The following FARP2 variants were observed in gnomAD, a reference collection of about 807,000 sequenced individuals.
FARP2 encodes FERM, ARH/RhoGEF and pleckstrin domain protein 2, also known as FERM, ARHGEF and pleckstrin domain-containing protein 2.
In FARP2, 111 loss-of-function variants were observed where a neutral mutation model predicts 130.5. The ratio of observed to expected loss-of-function variants is 0.85; its 90% confidence interval spans 0.73 to 1.00. FARP2 has a LOEUF of 1.00. Ranked by LOEUF, FARP2 falls within the 50% of genes least tolerant of loss-of-function variation. The probability of loss-of-function intolerance (pLI) is 0.00; values close to 1 mark genes in which losing one functional copy is unlikely to be tolerated. For synonymous variants in FARP2, 504 were observed against 516.9 expected, an observed-to-expected ratio of 0.98 and a Z score of 0.34; for missense variants, 1,385 against 1,346.3, an observed-to-expected ratio of 1.03 and a Z score of -0.45.
chr2:241,453,345 G>A (rs546050567), intron 13 of FARP2, among the ~76,000 whole-genome samples: 34 of 149,604 alleles, frequency 2.3e-4, no homozygotes, highest in Middle Eastern at 7.5e-3. Context: ...ATTTGTGGCT[G>A]GGCGCGGTGG....
intron 2 of FARP2, among the ~76,000 whole-genome samples, chr2:241,400,552 A>G (rs2062141733): frequency 6.6e-6 from 1 of 152,200 alleles, no homozygotes; most frequent in African/African-American, 2.4e-5. Flanking sequence ...GAGACCACAA[A>G]TGAGCTGACT....
chr2:241,443,254 A>ATT, intron 13 of FARP2: 3 of 149,598 alleles, frequency 2.0e-5, no homozygotes, highest in Admixed American at 6.7e-5. Flanking sequence ...GCACCATGTC[A>ATT]TTTTTTTTTT....
intron 12 of FARP2, 128 bp downstream of exon 12, chr2:241,436,666 G>A: frequency 1.2e-6 from 1 of 811,516 alleles, no homozygotes; most frequent in Non-Finnish European, 2.0e-6. Flanking sequence ...TTGTAATCCT[G>A]GGACTCTGTT....
At chr2:241,470,618 CT>C (rs1483138216) in intron 18 of FARP2, among the ~76,000 whole-genome samples, 1 of 151,166 alleles carries the variant, frequency 6.6e-6, no homozygotes, top group Non-Finnish European at 1.5e-5. Context: ...GAGGGGGACC[CT>C]TTTTTGAGGG....
chr2:241,418,542 G>A lies in FARP2; in HGVS notation c.771+433G>A, dbSNP rs145811835. Among the ~76,000 whole-genome samples, 601 of 152,356 alleles carry A rather than the reference G, an allele frequency of 3.9e-3. 1 individual carries two copies. The highest frequency in any genetic ancestry group is 6.7e-3 in the Non-Finnish European group (457 of 68,038). On this transcript the variant is annotated intron_variant, in intron 8 of 26. Transcript: ENST00000264042. ...TGGGCTGGACTGTGAGCGCTTTAGA[G>A]TGGGTTACAGTAATCATTTCAGTAA...
intron 13 of FARP2, among the ~76,000 whole-genome samples, chr2:241,449,382 A>T (rs904350482): frequency 6.6e-6 from 1 of 152,200 alleles, no homozygotes; most frequent in Non-Finnish European, 1.5e-5. Context: ...ACCGCCTCTG[A>T]AGTCAACCTT....
rs2061755960 is a variant in FARP2 at position 241,385,191 on chromosome 2, G to C, written c.183+11901G>C. Reference sequence around the variant, plus strand: ...TTGGAGAAAACTGAGAACACTAGAGGAGGGCAAACTTGTTTTGGAAATGGT... The same window carrying C: ...TTGGAGAAAACTGAGAACACTAGAGCAGGGCAAACTTGTTTTGGAAATGGT... On this transcript the variant is annotated intron_variant, in intron 2 of 26. Coordinates refer to ENST00000264042, the MANE Select transcript of FARP2 (RefSeq NM_014808.4). Among the ~76,000 whole-genome samples, 5 of 152,234 alleles carry C rather than the reference G, an allele frequency of 3.3e-5. No homozygotes were observed. In the South Asian group the frequency reaches 1.0e-3, roughly 32 times the overall value.
chr2:241,456,964 G>T, intron 14 of FARP2, 42 bp downstream of exon 14: 3 of 1,516,028 alleles, frequency 2.0e-6, no homozygotes, highest in Non-Finnish European at 8.8e-7. Context: ...GGGTTGCAGG[G>T]TGGGCCTGTT....
intron 7 of FARP2, among the ~76,000 whole-genome samples, chr2:241,415,220 A>G (rs192667802): frequency 4.9e-4 from 74 of 152,238 alleles, no homozygotes; most frequent in South Asian, 1.0e-3. Flanking sequence ...CTCCTGCTCT[A>G]TTCTCCCAGG....
intron 8 of FARP2, among the ~76,000 whole-genome samples, chr2:241,418,539 A>G (rs981953355): frequency 9.2e-5 from 14 of 152,194 alleles, no homozygotes; most frequent in African/African-American, 2.7e-4. Context: ...TGAGCGCTTT[A>G]GAGTGGGTTA....
intron 8 of FARP2, among the ~76,000 whole-genome samples, chr2:241,422,030 G>A (rs992736194): frequency 3.3e-5 from 5 of 151,988 alleles, no homozygotes; most frequent in African/African-American, 1.2e-4. Flanking sequence ...TGTAGTCCCA[G>A]CTATTTAGGA....
Position 241,483,455 on chromosome 2 carries a change from T to C in FARP2, c.2263-10T>C. 2.5e-6 allele frequency: 4 copies of C among 1,613,170 alleles called. No homozygotes were observed. Among genetic ancestry groups the C allele is most frequent in the Non-Finnish European group, 3.4e-6 (4 of 1,179,060 alleles). The stretch of plus-strand genomic sequence containing the variant: ...GCCCGCTGAAAGGGGACTCTGTCTC[T>C]GTCTTTCAGGAGTTCATCCGTGAGG... On this transcript the variant is annotated splice_polypyrimidine_tract_variant and intron_variant, in intron 19 of 26. Coordinates refer to ENST00000264042, the MANE Select transcript of FARP2 (RefSeq NM_014808.4).
chr2:241,424,985 A>G (rs1160386789), intron 8 of FARP2, among the ~76,000 whole-genome samples: 1 of 152,192 alleles, frequency 6.6e-6, no homozygotes. Context: ...ATGGGGGCAG[A>G]TCACTTGATG....
In FARP2 at chr2:241,460,875, C is replaced by T. The variant is rs116800070; in HGVS notation, c.1588-1648C>T. ...GCAGTGGACGTGTGCAGGACTCTGG[C>T]GGGGGAGGCACAGCACCTGGGCACT... On this transcript the variant is annotated intron_variant, in intron 14 of 26. Transcript: ENST00000264042. Among the ~76,000 whole-genome samples, 8 of 151,966 alleles carry T rather than the reference C, an allele frequency of 5.3e-5. No individual in the cohort carries two copies. In the South Asian group the frequency reaches 6.2e-4, roughly 12 times the overall value.
intron 2 of FARP2, among the ~76,000 whole-genome samples, chr2:241,380,048 C>T (rs374102582): frequency 2.3e-4 from 35 of 152,140 alleles, no homozygotes; most frequent in African/African-American, 7.7e-4. Flanking sequence ...GTTGGTAAGT[C>T]ACAGTCTGTG....
intron 2 of FARP2, among the ~76,000 whole-genome samples, chr2:241,376,810 C>T (rs2061545796): frequency 6.6e-6 from 1 of 152,196 alleles, no homozygotes; most frequent in African/African-American, 2.4e-5. Flanking sequence ...AGTGAGACCC[C>T]TGGCTGGGCA....
intron 8 of FARP2, among the ~76,000 whole-genome samples, chr2:241,426,960 C>T (rs62190361): frequency 0.19 from 28,695 of 152,042 alleles, 2,965 homozygotes; most frequent in East Asian, 0.4. Context: ...ACAGGCTGGG[C>T]GCGGTGGCTC....
intron 7 of FARP2, among the ~76,000 whole-genome samples, chr2:241,415,093 A>G (rs2062630346): frequency 6.6e-6 from 1 of 152,182 alleles, no homozygotes; most frequent in Non-Finnish European, 1.5e-5. Flanking sequence ...CCATGCGTGC[A>G]GAGCTCCATC....
intron 21 of FARP2, 142 bp from the exon 22 acceptor site, chr2:241,489,820 T>C: frequency 3.3e-6 from 2 of 614,964 alleles, no homozygotes; most frequent in Non-Finnish European, 5.9e-6. Flanking sequence ...CCTTGGCCTC[T>C]TGTAGAGTCT....
Sources: gnomAD v4.1 joint callset for allele counts (sites outside exome capture counted in the v4.1 genomes callset) on GRCh38, gnomAD v4.1.1 for gene constraint, MANE v1.5 for transcripts, NCBI Gene and HGNC (gene_info 2026-07-23, HGNC 2026-07-21) for gene names.